Variants in ODAD2 observed in about 807,000 individuals in gnomAD.
ODAD2 encodes outer dynein arm docking complex subunit 2, also known as outer dynein arm-docking complex subunit 2.
ODAD2 carries 89 observed loss-of-function variants against 106.8 expected under a neutral mutation model. The ratio of observed to expected loss-of-function variants is 0.83; its 90% CI spans 0.70 to 0.99. ODAD2 has a LOEUF of 0.99. Ranked by LOEUF, ODAD2 falls within the 50% of genes least tolerant of loss-of-function variation. ODAD2 has a pLI of 0.00. For missense variants in ODAD2, 1,168 were observed against 1,238.5 expected, an observed-to-expected ratio of 0.94 and a Z score of 0.85; for synonymous variants, 404 against 436.2, an observed-to-expected ratio of 0.93 and a Z score of 0.92.
chr10:27,842,392 A>T lies in ODAD2; in HGVS notation c.3021+18233T>A, dbSNP rs2133122861. 2.0e-5 allele frequency among the ~76,000 whole-genome samples: 3 copies of T among 152,288 alleles called. No homozygotes were observed. The South Asian group carries it at 6.2e-4, about 32-fold the overall frequency. ...CCTTGTGAAGAATGTCATTTTCTGG[A>T]TAGACACTAAGCATACATGATCATT... On this transcript the variant is annotated intron_variant, in intron 19 of 19. Transcript: ENST00000305242.
intron 17 of ODAD2, among the ~76,000 whole-genome samples, chr10:27,891,035 AT>A (rs1375148746): frequency 8.5e-5 from 13 of 152,248 alleles, no homozygotes; most frequent in African/African-American, 3.1e-4. Flanking sequence ...GTTTATAGCA[AT>A]ATTCCTAGCA....
chr10:27,921,726 T>C (rs1844792666), intron 16 of ODAD2, among the ~76,000 whole-genome samples: 1 of 130,480 alleles, frequency 7.7e-6, no homozygotes, highest in South Asian at 2.4e-4. Context: ...AAGATAAAAA[T>C]CCCCAGTCCA....
chr10:27,985,033 T>C lies in ODAD2; in HGVS notation c.561A>G (p.Leu187=), dbSNP rs757531185. Reference sequence around the variant, plus strand: ...AAAAGACTCACAATGAAATATGTTTTAGAGAATGATTGAGGAGGTGCAGAT... The same window carrying C: ...AAAAGACTCACAATGAAATATGTTTCAGAGAATGATTGAGGAGGTGCAGAT... ...QLDLHLLNHS[L]KHISLEISLS... is the part of the protein sequence containing the mutation. The change falls in exon 4 of 20, where the codon CTA becomes CTG. Residue 187 remains leucine (L), a synonymous_variant. Transcript: ENST00000305242. The C allele has an allele frequency of 1.2e-6, 2 of 1,607,808 alleles. No homozygotes were observed. The highest frequency in any genetic ancestry group is 1.7e-6 in the Non-Finnish European group (2 of 1,177,840).
intron 19 of ODAD2, among the ~76,000 whole-genome samples, chr10:27,837,077 C>A (rs989308525): frequency 1.3e-5 from 2 of 152,036 alleles, no homozygotes; most frequent in East Asian, 3.9e-4. Flanking sequence ...AATTCTGATG[C>A]AAGAAAGGTC....
In ODAD2 at chr10:27,983,870, G is replaced by T. The variant is rs777338601; in HGVS notation, c.792C>A (p.Cys264Ter). Residue 264 changes from cysteine to a stop codon, truncating the protein, a stop_gained, in exon 6 of 20, where the codon TGC becomes TGA. Coordinates refer to ENST00000305242, the MANE Select transcript of ODAD2 (RefSeq NM_018076.5). LOFTEE classifies it high-confidence loss of function. The part of the protein sequence containing the change: ...PHDGETLCIT[C>*]SAGGVFLNGG... Reference sequence around the variant, plus strand: ...CATTTAAAAATACTCCTCCTGCACTGCAAGTAATGCACAGAGTCTCACCAT... The same window carrying T: ...CATTTAAAAATACTCCTCCTGCACTTCAAGTAATGCACAGAGTCTCACCAT... The T allele has an allele frequency of 1.1e-5, 18 of 1,612,778 alleles. No individual in the cohort carries two copies. The South Asian group carries it at 2.0e-4, about 18-fold the overall frequency.
intron 7 of ODAD2, among the ~76,000 whole-genome samples, chr10:27,978,559 G>A (rs778018058): frequency 3.3e-5 from 5 of 151,984 alleles, no homozygotes; most frequent in African/African-American, 7.2e-5. Flanking sequence ...TTGGGAGGCC[G>A]CGACAGGTGG....
intron 9 of ODAD2, among the ~76,000 whole-genome samples, chr10:27,962,716 C>T (rs191950224): frequency 9.6e-4 from 146 of 152,252 alleles, no homozygotes; most frequent in Non-Finnish European, 1.8e-3. Context: ...TGCCCTACGT[C>T]CCTGCAGAGG....
chr10:27,896,843 T>C (rs1842892680), intron 17 of ODAD2, among the ~76,000 whole-genome samples: 1 of 152,200 alleles, frequency 6.6e-6, no homozygotes, highest in Non-Finnish European at 1.5e-5. Context: ...AAACCTGAGC[T>C]ATCTTCTGGA....
At chr10:27,970,159 T>C (rs1848753437) in intron 8 of ODAD2, among the ~76,000 whole-genome samples, 2 of 151,366 alleles carry the variant, frequency 1.3e-5, no homozygotes, top group Non-Finnish European at 3.0e-5. Context: ...TCTCTAGGTA[T>C]TTCTGACTGC....
chr10:27,833,249 C>T (rs1837618295), intron 19 of ODAD2, among the ~76,000 whole-genome samples: 1 of 152,174 alleles, frequency 6.6e-6, no homozygotes, highest in African/African-American at 2.4e-5. Context: ...CCAAATGCTT[C>T]TGACAGTGTG....
At chr10:27,971,015 CAAACA>C (rs1248191353) in intron 8 of ODAD2, 88 bp downstream of exon 8, 1 of 342,780 alleles carries the variant, frequency 2.9e-6, no homozygotes, top group Admixed American at 6.0e-5. Flanking sequence ...AATAAACAAA[CAAACA>C]AAATAAAATA....
rs543039691 is a variant in ODAD2 at position 27,988,065 on chromosome 10, T to C, written c.225-522A>G. On this transcript the variant is annotated intron_variant, in intron 2 of 19. Coordinates refer to ENST00000305242, the MANE Select transcript of ODAD2 (RefSeq NM_018076.5). ...GATCCTCTCTGAATTCCTTTCCCACTCTAAACTTCTTTATTTGGTTTGCCT... is the reference window on the plus strand; with the variant it reads ...GATCCTCTCTGAATTCCTTTCCCACCCTAAACTTCTTTATTTGGTTTGCCT... Among the ~76,000 whole-genome samples, 6 of 151,188 alleles carry C rather than the reference T, an allele frequency of 4.0e-5. No homozygotes were observed. The South Asian group carries it at 1.3e-3, about 32-fold the overall frequency.
At chr10:27,820,829 C>A (rs559197222) in intron 19 of ODAD2, among the ~76,000 whole-genome samples, 1 of 136,112 alleles carries the variant, frequency 7.3e-6, no homozygotes, top group East Asian at 2.1e-4. Context: ...GTTGCCCAGG[C>A]TAGAGTGTAA....
chr10:27,952,401 T>A (rs1157660103), intron 10 of ODAD2, among the ~76,000 whole-genome samples: 1 of 152,044 alleles, frequency 6.6e-6, no homozygotes, highest in Non-Finnish European at 1.5e-5. Flanking sequence ...TTTATTTTTT[T>A]TTTTTACCTT....
intron 19 of ODAD2, among the ~76,000 whole-genome samples, chr10:27,855,049 G>A (rs534728246): frequency 4.6e-5 from 7 of 152,236 alleles, no homozygotes; most frequent in Admixed American, 3.3e-4. Flanking sequence ...AGGGTACCAG[G>A]AAACTGTGGG....
chr10:27,980,762 T>C (rs1410937666), intron 7 of ODAD2, among the ~76,000 whole-genome samples: 1 of 152,080 alleles, frequency 6.6e-6, no homozygotes, highest in Non-Finnish European at 1.5e-5. Flanking sequence ...GGAAAACAGG[T>C]TGGCAGTTCC....
chr10:27,914,813 A>G (rs1286337754), intron 16 of ODAD2, among the ~76,000 whole-genome samples: 3 of 152,114 alleles, frequency 2.0e-5, no homozygotes, highest in South Asian at 4.1e-4. Flanking sequence ...GATGGGCTTA[A>G]CAGCAAACTA....
chr10:27,897,666 G>T (rs765838753), intron 17 of ODAD2, among the ~76,000 whole-genome samples: 2 of 152,180 alleles, frequency 1.3e-5, no homozygotes, highest in East Asian at 3.9e-4. Context: ...TCTTGTTGAC[G>T]ATTCTTCAAA....
rs553524698 is a variant in ODAD2 at position 27,834,343 on chromosome 10, T to C, written c.3022-21718A>G. On this transcript the variant is annotated intron_variant, in intron 19 of 19. Coordinates refer to ENST00000305242, the MANE Select transcript of ODAD2 (RefSeq NM_018076.5). ...AAAGCTGCTCCAAAGGCGCTATCCC[T>C]TGGCCTTCTGGAATAGACATACAAC... 2.6e-5 allele frequency among the ~76,000 whole-genome samples: 4 copies of C among 152,306 alleles called. No homozygotes were observed. The East Asian group carries it at 7.7e-4, about 29-fold the overall frequency.
Sources: gnomAD v4.1 joint callset for allele counts (sites outside exome capture counted in the v4.1 genomes callset) on GRCh38, gnomAD v4.1.1 for gene constraint, MANE v1.5 for transcripts, NCBI Gene and HGNC (gene_info 2026-07-23, HGNC 2026-07-21) for gene names.